ARSG: variants seen among roughly 807,000 people sequenced by gnomAD.
The protein encoded by ARSG is arylsulfatase G, also known as ASG.
ARSG carries 37 observed loss-of-function variants against 50.5 expected under a neutral mutation model. That is an observed-to-expected ratio of 0.73 (90% CI 0.56 to 0.96). The LOEUF (loss-of-function observed/expected upper bound fraction) is 0.96. ARSG is among the 50% of genes least tolerant of loss of function. The pLI, the probability that ARSG is intolerant of heterozygous loss-of-function variation, is 0.00. For synonymous variants in ARSG, 225 were observed against 254.6 expected (o/e 0.88, Z 1.11); for missense variants, 629 against 675.3 (o/e 0.93, Z 0.76).
At chr17:68,274,293 C>G in intron 1 of ARSG, 1 of 397,482 alleles carries the variant, frequency 2.5e-6, no homozygotes, top group African/African-American at 2.0e-5. Flanking sequence ...TGGTGAAACC[C>G]CGTCTCTACA....
intron 1 of ARSG, chr17:68,268,286 T>A: frequency 6.6e-6 from 1 of 152,578 alleles, no homozygotes; most frequent in East Asian, 1.9e-4. Flanking sequence ...TTAAAGACAC[T>A]ACAGTCACAT....
Position 68,318,101 on chromosome 17 carries a change from GA to G in ARSG, c.218+10405del, listed in dbSNP as rs57091246. 2.0e-3 allele frequency among the ~76,000 whole-genome samples: 301 copies of G among 147,552 alleles called. 2 individuals are homozygous for G. Among genetic ancestry groups the G allele is most frequent in the Non-Finnish European group, 2.7e-3 (178 of 66,934 alleles). On this transcript the variant is annotated intron_variant, in intron 2 of 11. Transcript: ENST00000621439. ...GCGACAAGAGCGAGACTCTGTCTTGGAAAAAAAAAAAAAAATCAAGTAAAAC... is the reference window on the plus strand; with the variant it reads ...GCGACAAGAGCGAGACTCTGTCTTGGAAAAAAAAAAAAAATCAAGTAAAAC...
chr17:68,372,288 CAATT>C (rs200059089), intron 8 of ARSG, among the ~76,000 whole-genome samples: 7,213 of 152,172 alleles, frequency 0.047, 241 homozygotes, highest in East Asian at 0.14. Flanking sequence ...ATCTATCTAT[CAATT>C]GATCGATCGA....
intron 1 of ARSG, among the ~76,000 whole-genome samples, chr17:68,291,935 C>G (rs552419204): frequency 1.6e-4 from 24 of 152,028 alleles, no homozygotes; most frequent in African/African-American, 4.8e-4. Context: ...GGCTTCGCGC[C>G]CGCCCCGGGC....
At chr17:68,353,260 C>T (rs1055084115) in intron 5 of ARSG, among the ~76,000 whole-genome samples, 2 of 151,906 alleles carry the variant, frequency 1.3e-5, no homozygotes, top group African/African-American at 4.8e-5. Flanking sequence ...CAGGTTACAC[C>T]GGAGCTGGAA....
the ARSG span, chr17:68,450,998 T>C: frequency 6.8e-7 from 1 of 1,461,152 alleles, no homozygotes; most frequent in Non-Finnish European, 9.1e-7. Flanking sequence ...GTTCCAAAGG[T>C]TCTCCGGGTC....
At chr17:68,424,340 C>T, downstream of ARSG, 1 of 481,510 alleles carries the variant, frequency 2.1e-6, no homozygotes, top group Non-Finnish European at 4.3e-6. Context: ...CAGCCCCAGC[C>T]CTGCATGCAG....
chr17:68,407,195 T>C lies in ARSG; in HGVS notation c.1303+5745T>C, dbSNP rs183858816. ...AGCTGGCTGTAATTATTTGGGTTTA[T>C]TTCTGGGTTCTCTATTCTGTTCCAT... On this transcript the variant is annotated intron_variant, in intron 11 of 11. Coordinates refer to ENST00000621439, the MANE Select transcript of ARSG (RefSeq NM_001267727.2). 3.3e-5 allele frequency among the ~76,000 whole-genome samples: 5 copies of C among 152,338 alleles called. No individual in the cohort carries two copies. In the East Asian group the frequency reaches 9.6e-4, roughly 29 times the overall value.
chr17:68,433,597 G>C, the ARSG span: 3 of 1,596,546 alleles, frequency 1.9e-6, no homozygotes, highest in Non-Finnish European at 2.6e-6. Flanking sequence ...GCAACACATG[G>C]GTCAGTGAGC....
At position 68,346,911 on chromosome 17, in the gene ARSG, G is replaced by T. The variant is rs537967770; in HGVS notation, c.407-214G>T. 88 of 1,480,926 alleles carry T rather than the reference G, an allele frequency of 5.9e-5. 8 individuals are homozygous for T. Among genetic ancestry groups the T allele is most frequent in the Non-Finnish European group, 6.9e-5 (77 of 1,111,124 alleles). The allele number at this position is 1,480,926 out of a possible 1,614,324, so 91.7% of individuals were successfully genotyped here. On this transcript the variant is annotated intron_variant, in intron 3 of 11. Transcript: ENST00000621439. ...TCTTCCCCTTTCACTGTGGTTTCCC[G>T]TGTGAGTCTGGGGTCATCCTTTATG...
intron 2 of ARSG, among the ~76,000 whole-genome samples, chr17:68,337,886 G>A (rs1335702857): frequency 6.6e-6 from 1 of 152,068 alleles, no homozygotes; most frequent in African/African-American, 2.4e-5. Flanking sequence ...CAAAGTGCTG[G>A]GATTACAGGT....
chr17:68,410,606 T>C (rs1408158018), intron 11 of ARSG, among the ~76,000 whole-genome samples: 3 of 152,278 alleles, frequency 2.0e-5, no homozygotes, highest in East Asian at 1.9e-4. Flanking sequence ...TGTCTCTGCC[T>C]GGCTTTGGTA....
At chr17:68,355,731 G>A (rs1381885835) in intron 5 of ARSG, among the ~76,000 whole-genome samples, 2 of 151,634 alleles carry the variant, frequency 1.3e-5, no homozygotes, top group East Asian at 1.9e-4. Context: ...CGTGAGCCAC[G>A]GCGTCTGGCC....
chr17:68,349,022 CCAA>C (rs2078635603), intron 4 of ARSG, among the ~76,000 whole-genome samples: 1 of 152,132 alleles, frequency 6.6e-6, no homozygotes, highest in Non-Finnish European at 1.5e-5. Context: ...AACAGCAAGG[CCAA>C]GCATGGTGGC....
At chr17:68,284,791 T>G (rs548633610) in intron 1 of ARSG, among the ~76,000 whole-genome samples, 1 of 152,296 alleles carries the variant, frequency 6.6e-6, no homozygotes, top group South Asian at 2.1e-4. Flanking sequence ...AATATTTGGT[T>G]GATTAAAATA....
At chr17:68,418,970 C>G (rs1317300481) in intron 11 of ARSG, among the ~76,000 whole-genome samples, 2 of 148,668 alleles carry the variant, frequency 1.3e-5, no homozygotes, top group African/African-American at 5.0e-5. Flanking sequence ...TTAATTATGT[C>G]ATATTTATTT....
chr17:68,271,374 C>T lies in ARSG; in HGVS notation c.-552+11948C>T. 6.2e-7 allele frequency: 1 copy of T among 1,614,224 alleles called. No homozygotes were observed. The highest frequency in any genetic ancestry group is 8.5e-7 in the Non-Finnish European group (1 of 1,180,038). On this transcript the variant is annotated intron_variant, in intron 1 of 11. Coordinates refer to the ARSG transcript ENST00000448504. The surrounding 1 kb of genome is among the most constrained non-coding windows in gnomAD (Gnocchi z 5.3). ...TCACCAGGACCTGCTGCATGTCGGC[C>T]TTCGGCTCCAGTTCCAGGTTAGTGT...
intron 1 of ARSG, among the ~76,000 whole-genome samples, chr17:68,303,168 A>T (rs2076483625): frequency 6.6e-6 from 1 of 152,196 alleles, no homozygotes. Context: ...TCTGTTGCCC[A>T]GGCTGGAGTA....
chr17:68,337,774 C>T (rs914399664), intron 2 of ARSG, among the ~76,000 whole-genome samples: 4 of 152,066 alleles, frequency 2.6e-5, no homozygotes, highest in Non-Finnish European at 4.4e-5. Context: ...TGTGCCACCA[C>T]GCCCGGCTAA....
Sources: allele counts gnomAD v4.1 joint callset (sites outside exome capture counted in the v4.1 genomes callset), GRCh38; gene constraint gnomAD v4.1.1; non-coding constraint Gnocchi (gnomAD v3.1); transcripts MANE v1.5; gene names NCBI Gene and HGNC (gene_info 2026-07-23, HGNC 2026-07-21).